Variants in GALNT13 observed in about 807,000 individuals in gnomAD.
GALNT13 encodes UDP-GalNAc:polypeptide N-acetylgalactosaminyltransferase 13.
GALNT13 carries 28 observed loss-of-function variants against 64.2 expected under a neutral mutation model. That is an observed-to-expected ratio of 0.44 (90% confidence interval 0.32 to 0.60). GALNT13 has a LOEUF of 0.60. GALNT13 is among the 20% of genes least tolerant of loss of function. GALNT13 has a pLI of 0.05. For missense variants in GALNT13, 577 were observed against 669.8 expected (o/e 0.86, Z 1.53); for synonymous variants, 214 against 224.6 (o/e 0.95, Z 0.42).
the GALNT13 span, among the ~76,000 whole-genome samples, chr2:153,345,682 T>TCTTTCTTTCTTTCTTG: frequency 6.9e-6 from 1 of 145,478 alleles, no homozygotes; most frequent in Non-Finnish European, 1.5e-5. Flanking sequence ...TTTCTTTCTT[T>TCTTTCTTTCTTTCTTG]CTTTCTTTCT....
At chr2:153,078,333 T>C in the GALNT13 span, among the ~76,000 whole-genome samples, 1 of 151,416 alleles carries the variant, frequency 6.6e-6, no homozygotes, top group Non-Finnish European at 1.5e-5. Context: ...TTTTTTTTTT[T>C]TCTAAGATGG....
chr2:153,263,115 A>G, the GALNT13 span, among the ~76,000 whole-genome samples: 3 of 152,050 alleles, frequency 2.0e-5, no homozygotes, highest in South Asian at 4.1e-4. Context: ...GTACAAAATC[A>G]ATGTGCAAAA....
At chr2:153,955,568 T>A (rs1169225482) in intron 3 of GALNT13, among the ~76,000 whole-genome samples, 4 of 152,130 alleles carry the variant, frequency 2.6e-5, no homozygotes, top group Non-Finnish European at 5.9e-5. Flanking sequence ...GGCTGAGTGC[T>A]GGGGAAAGGA....
At chr2:153,925,099 T>C (rs991414269) in intron 2 of GALNT13, among the ~76,000 whole-genome samples, 2 of 152,238 alleles carry the variant, frequency 1.3e-5, no homozygotes, top group African/African-American at 4.8e-5. Context: ...TTGCAATTGC[T>C]TTGGCATCTT....
chr2:154,007,659 A>G (rs1474368710), intron 3 of GALNT13, among the ~76,000 whole-genome samples: 2 of 151,942 alleles, frequency 1.3e-5, no homozygotes, highest in East Asian at 1.9e-4. Context: ...TTACATACCT[A>G]TGTTAGAGTA....
the GALNT13 span, among the ~76,000 whole-genome samples, chr2:153,575,524 A>C: frequency 6.6e-6 from 1 of 152,112 alleles, no homozygotes; most frequent in Non-Finnish European, 1.5e-5. Flanking sequence ...TAGAGTCAAA[A>C]AACTTAGAAG....
At chr2:153,983,902 C>T (rs1257364525) in intron 3 of GALNT13, among the ~76,000 whole-genome samples, 1 of 151,852 alleles carries the variant, frequency 6.6e-6, no homozygotes, top group African/African-American at 2.4e-5. Context: ...TAAAGGAAAG[C>T]AAAGATAATG....
the GALNT13 span, among the ~76,000 whole-genome samples, chr2:153,835,356 C>CA: frequency 4.6e-5 from 7 of 151,942 alleles, no homozygotes; most frequent in Non-Finnish European, 1.0e-4. Context: ...TTATGTCCAA[C>CA]AATGTACTTT....
At chr2:154,183,883 TTC>T (rs1415840430) in intron 4 of GALNT13, among the ~76,000 whole-genome samples, 1 of 152,136 alleles carries the variant, frequency 6.6e-6, no homozygotes, top group Non-Finnish European at 1.5e-5. Flanking sequence ...GGGATTAGTA[TTC>T]TTTTTCTAGT....
the GALNT13 span, among the ~76,000 whole-genome samples, chr2:153,435,804 T>G: frequency 6.6e-6 from 1 of 152,092 alleles, no homozygotes; most frequent in East Asian, 1.9e-4. Context: ...CTTTTCCTAA[T>G]TGAATACCCT....
At chr2:154,405,268 G>T (rs575799249) in intron 10 of GALNT13, among the ~76,000 whole-genome samples, 3 of 152,074 alleles carry the variant, frequency 2.0e-5, no homozygotes, top group African/African-American at 7.2e-5. Flanking sequence ...AAACTTGTAA[G>T]AACACATGAG....
chr2:154,455,706 T>G (rs901422767), downstream of GALNT13, among the ~76,000 whole-genome samples: 6 of 152,188 alleles, frequency 3.9e-5, no homozygotes, highest in Non-Finnish European at 7.3e-5. Context: ...AGCAATGTGT[T>G]TTAAATAATT....
chr2:154,028,939 C>G (rs948851226), intron 3 of GALNT13, among the ~76,000 whole-genome samples: 4 of 152,030 alleles, frequency 2.6e-5, no homozygotes, highest in African/African-American at 9.7e-5. Flanking sequence ...GGGCAACCAG[C>G]TAACCTGAAA....
intron 4 of GALNT13, among the ~76,000 whole-genome samples, chr2:154,161,584 A>G (rs1421478796): frequency 6.6e-6 from 1 of 152,202 alleles, no homozygotes; most frequent in East Asian, 1.9e-4. Context: ...GAAAAATTGG[A>G]CAGTTCTATC....
chr2:153,697,794 C>A, the GALNT13 span, among the ~76,000 whole-genome samples: 843 of 152,270 alleles, frequency 5.5e-3, 4 homozygotes, highest in Non-Finnish European at 8.3e-3. Context: ...AGTTTTGAAC[C>A]TAGGGGTGAC....
the GALNT13 span, among the ~76,000 whole-genome samples, chr2:153,772,300 C>G: frequency 2.0e-5 from 3 of 152,324 alleles, no homozygotes; most frequent in East Asian, 5.8e-4. Context: ...CGGAAAATGC[C>G]TACAGCTTTT....
At chr2:153,741,998 G>A in the GALNT13 span, among the ~76,000 whole-genome samples, 1 of 152,034 alleles carries the variant, frequency 6.6e-6, no homozygotes, top group Non-Finnish European at 1.5e-5. Flanking sequence ...TTTGAAATTT[G>A]TTCTCAATGA....
intron 2 of GALNT13, among the ~76,000 whole-genome samples, chr2:153,917,940 G>A (rs1377667889): frequency 6.6e-6 from 1 of 151,392 alleles, no homozygotes; most frequent in Non-Finnish European, 1.5e-5. Context: ...CTAGTAAAAT[G>A]CAGCTAGCTT....
the GALNT13 span, among the ~76,000 whole-genome samples, chr2:153,550,157 A>T: frequency 6.6e-6 from 1 of 151,848 alleles, no homozygotes; most frequent in Non-Finnish European, 1.5e-5. Context: ...CAGCAAAGAG[A>T]TTTCTTATTC....
Sources: allele counts gnomAD v4.1 joint callset (sites outside exome capture counted in the v4.1 genomes callset), GRCh38; gene constraint gnomAD v4.1.1; transcripts MANE v1.5; gene names NCBI Gene and HGNC (gene_info 2026-07-23, HGNC 2026-07-21).